MSH4: variants seen among roughly 807,000 people sequenced by gnomAD.
The protein encoded by MSH4 is mutS homolog 4, also known as mutS protein homolog 4.
In MSH4, 106 loss-of-function variants were observed where a neutral mutation model predicts 113.7. The ratio of observed to expected loss-of-function variants is 0.93; its 90% CI spans 0.80 to 1.10. The LOEUF (loss-of-function observed/expected upper bound fraction) is 1.10, where lower values mean the gene tolerates loss of function less well. Ranked by LOEUF, MSH4 falls within the 50% of genes least tolerant of loss-of-function variation. The pLI is 0.00. For missense variants in MSH4, 1,061 were observed against 1,093.7 expected (o/e 0.97, Z 0.42); for synonymous variants, 368 against 380.2 (o/e 0.97, Z 0.37).
Position 75,883,742 on chromosome 1 carries a change from G to A in MSH4, c.2028G>A (p.Leu676=). 3.7e-6 allele frequency: 6 copies of A among 1,613,094 alleles called. No homozygotes were observed. The highest frequency in any genetic ancestry group is 4.2e-6 in the Non-Finnish European group (5 of 1,179,544). ...ATGTTACAGAAGGGAGTAATTTTTT[G>A]ATCATAACTGGACCAAACATGAGTG... ...NTYVTEGSNF[L]IITGPNMSGK... is the part of the protein sequence containing the mutation. The change falls in exon 15 of 20, where the codon TTG becomes TTA. Residue 676 remains leucine, a synonymous_variant. Transcript: ENST00000263187.
intron 1 of MSH4, among the ~76,000 whole-genome samples, chr1:75,799,277 G>T (rs1387938707): frequency 6.6e-6 from 1 of 151,354 alleles, no homozygotes; most frequent in African/African-American, 2.4e-5. Flanking sequence ...TTGCAGAGTA[G>T]ATTTTTTTTT....
intron 17 of MSH4, among the ~76,000 whole-genome samples, chr1:75,891,082 C>T (rs1356552018): frequency 1.3e-5 from 2 of 152,070 alleles, no homozygotes; most frequent in Non-Finnish European, 2.9e-5. Flanking sequence ...TTAATTTCAT[C>T]AAATTCAGTA....
chr1:75,803,604 C>A (rs1432516062), intron 1 of MSH4, 127 bp from the exon 2 acceptor site: 2 of 684,132 alleles, frequency 2.9e-6, no homozygotes, highest in African/African-American at 1.9e-5. Flanking sequence ...GCGACAAGAG[C>A]AAGACTCTGT....
At position 75,899,649 on chromosome 1, in the gene MSH4, AC is replaced by A; in HGVS notation, c.2564del (p.Pro855HisfsTer37). On this transcript the variant is annotated frameshift_variant, in exon 19 of 20. Coordinates refer to ENST00000263187, the MANE Select transcript of MSH4 (RefSeq NM_002440.4). LOFTEE classifies it high-confidence loss of function. Reference protein sequence around the residue: ...LKAAEVSSLPPSIVLDAKEIT... With the variant: ...LKAAEVSSLPXSIVLDAKEIT... Reference sequence around the variant, plus strand: ...AAGCTGCAGAGGTGTCATCACTTCCACCATCAATTGTCTTGGATGCCAAGGA... The same window carrying A: ...AAGCTGCAGAGGTGTCATCACTTCCACATCAATTGTCTTGGATGCCAAGGA... 6.6e-7 allele frequency: 1 copy of A among 1,513,064 alleles called. No homozygotes were observed. Among genetic ancestry groups the A allele is most frequent in the South Asian group, 1.4e-5 (1 of 73,256 alleles). 93.7% of individuals were successfully genotyped at this position (1,513,064 alleles called of 1,614,324 possible). A position where few individuals can be genotyped will look rare whatever the true frequency, so the allele number is the denominator to read the frequency against.
Position 75,830,009 on chromosome 1 carries a change from C to T in MSH4, c.1162+7428C>T, listed in dbSNP as rs879077790. ...CTTCTCCAAGCTAAAGGAGGATGGT[C>T]GAACCCATAACAAAGAAGCTAAAAA... is the stretch of plus-strand genomic sequence containing the variant. On this transcript the variant is annotated intron_variant, in intron 7 of 19. Transcript: ENST00000263187. 5.3e-5 allele frequency among the ~76,000 whole-genome samples: 8 copies of T among 151,976 alleles called. No homozygotes were observed. In the East Asian group the frequency reaches 1.4e-3, roughly 26 times the overall value.
chr1:75,860,648 G>A (rs1207503805), intron 8 of MSH4, among the ~76,000 whole-genome samples: 1 of 152,102 alleles, frequency 6.6e-6, no homozygotes, highest in African/African-American at 2.4e-5. Flanking sequence ...TAGTCTGATG[G>A]GCTTCCCTTT....
intron 7 of MSH4, among the ~76,000 whole-genome samples, chr1:75,835,449 G>T (rs1470676800): frequency 6.6e-6 from 1 of 152,142 alleles, no homozygotes; most frequent in Non-Finnish European, 1.5e-5. Context: ...AATATGAAAA[G>T]TCATTTAATC....
chr1:75,885,531 C>T (rs1311787210), intron 15 of MSH4, among the ~76,000 whole-genome samples: 2 of 75,274 alleles, frequency 2.7e-5, no homozygotes, highest in Non-Finnish European at 5.4e-5. Flanking sequence ...ATTTATTTCA[C>T]ATTTATATAA....
intron 7 of MSH4, among the ~76,000 whole-genome samples, chr1:75,825,619 C>G (rs1570951081): frequency 6.6e-6 from 1 of 151,750 alleles, no homozygotes; most frequent in African/African-American, 2.4e-5. Context: ...ATAGCTCTTA[C>G]TATTTTGAGA....
intron 8 of MSH4, among the ~76,000 whole-genome samples, chr1:75,856,429 C>T (rs910711799): frequency 6.6e-5 from 10 of 152,054 alleles, no homozygotes; most frequent in Admixed American, 2.6e-4. Context: ...CTAATGTTAT[C>T]GCTCCCCTAG....
At chr1:75,878,379 G>T (rs1293666879) in intron 11 of MSH4, 61 bp downstream of exon 11, 3 of 1,332,574 alleles carry the variant, frequency 2.3e-6, no homozygotes, top group Non-Finnish European at 3.1e-6. Flanking sequence ...AGGACATGCT[G>T]TCCTTTTTTG....
chr1:75,810,372 G>A (rs912720937), intron 3 of MSH4, among the ~76,000 whole-genome samples: 2 of 150,424 alleles, frequency 1.3e-5, no homozygotes, highest in Admixed American at 1.3e-4. Context: ...TGAGTAGCTG[G>A]GATTACAGGC....
intron 8 of MSH4, among the ~76,000 whole-genome samples, chr1:75,864,191 G>T (rs190329360): frequency 2.6e-5 from 4 of 152,150 alleles, no homozygotes; most frequent in Admixed American, 6.5e-5. Flanking sequence ...GTTTCATTCA[G>T]CTTTAGCTCA....
At chr1:75,828,450 A>G (rs1364529004) in intron 7 of MSH4, among the ~76,000 whole-genome samples, 1 of 152,224 alleles carries the variant, frequency 6.6e-6, no homozygotes, top group African/African-American at 2.4e-5. Flanking sequence ...AATTTGGTAC[A>G]TATACACCTT....
At chr1:75,888,043 T>C (rs1450053938) in intron 15 of MSH4, among the ~76,000 whole-genome samples, 2 of 150,208 alleles carry the variant, frequency 1.3e-5, no homozygotes, top group Admixed American at 6.8e-5. Context: ...ATATAAAATA[T>C]CTAGTATGTC....
chr1:75,867,450 G>GTT, intron 8 of MSH4, 64 bp from the exon 9 acceptor site: 1 of 885,314 alleles, frequency 1.1e-6, no homozygotes, highest in Non-Finnish European at 1.8e-6. Context: ...TGTTCAAGAG[G>GTT]AAAACCCATT....
intron 9 of MSH4, 67 bp downstream of exon 9, chr1:75,867,655 A>T (rs1651616911): frequency 9.1e-7 from 1 of 1,102,230 alleles, no homozygotes; most frequent in African/African-American, 1.6e-5. Flanking sequence ...GTTGGAAAAA[A>T]ATTTCAAACT....
At chr1:75,906,005 T>C (rs1024334570) in intron 19 of MSH4, among the ~76,000 whole-genome samples, 1 of 152,104 alleles carries the variant, frequency 6.6e-6, no homozygotes, top group Admixed American at 6.6e-5. Flanking sequence ...CTTTTATTTT[T>C]TTTGAGGCAG....
rs71813389 is a variant in MSH4 at position 75,853,055 on chromosome 1, C to CTTTGTTTG, written c.1230+4800_1230+4807dup. Among the ~76,000 whole-genome samples the CTTTGTTTG allele has an allele frequency of 5.3e-3, 808 of 151,322 alleles. 7 individuals are homozygous for CTTTGTTTG. Among genetic ancestry groups the CTTTGTTTG allele is most frequent in the African/African-American group, 0.019 (778 of 41,174 alleles). Reference sequence around the variant, plus strand: ...TCCCCAGAAATTAGTAACTATTTTTCTTTGTTTGTTTGTTTGTTTGTTTGT... The same window carrying CTTTGTTTG: ...TCCCCAGAAATTAGTAACTATTTTTCTTTGTTTGTTTGTTTGTTTGTTTGTTTGTTTGT... On this transcript the variant is annotated intron_variant, in intron 8 of 19. Coordinates refer to ENST00000263187, the MANE Select transcript of MSH4 (RefSeq NM_002440.4).
Sources: gnomAD v4.1 joint callset for allele counts (sites outside exome capture counted in the v4.1 genomes callset) on GRCh38, gnomAD v4.1.1 for gene constraint, MANE v1.5 for transcripts, NCBI Gene and HGNC (gene_info 2026-07-23, HGNC 2026-07-21) for gene names.